Variants in RIMS2 observed in about 807,000 individuals in gnomAD.
RIMS2 encodes the protein regulating synaptic membrane exocytosis 2, also known as regulating synaptic membrane exocytosis protein 2.
Under a neutral mutation model 174.4 loss-of-function variants are expected in RIMS2, and 59 were observed. The ratio of observed to expected loss-of-function variants is 0.34; its 90% CI spans 0.27 to 0.42. The LOEUF (loss-of-function observed/expected upper bound fraction) is 0.42. Among genes scored for constraint, RIMS2 ranks in the 10% least tolerant of loss-of-function variants. The probability of loss-of-function intolerance (pLI) is 1.00; values close to 1 mark genes in which losing one functional copy is unlikely to be tolerated. For synonymous variants in RIMS2, 606 were observed against 572.5 expected (o/e 1.06, Z -0.84); for missense variants, 1,620 against 1,666.3 (o/e 0.97, Z 0.48).
chr8:103,500,989 G>A, exon 1 of RIMS2: 2 of 1,611,846 alleles, frequency 1.2e-6, no homozygotes, highest in Middle Eastern at 1.8e-4. Context: ...CCTCACGGAG[G>A]AGGAGAGGAA....
chr8:104,079,628 T>TTC (rs2097371213), intron 19 of RIMS2, among the ~76,000 whole-genome samples: 4 of 132,108 alleles, frequency 3.0e-5, no homozygotes, highest in African/African-American at 1.1e-4. Flanking sequence ...TATATATATA[T>TTC]ATATATATAT....
rs532886871 is a variant in RIMS2 at position 103,946,983 on chromosome 8, T to TG, written c.2701+4064dup. Among the ~76,000 whole-genome samples, 9 of 152,062 alleles carry TG rather than the reference T, an allele frequency of 5.9e-5. No homozygotes were observed. The East Asian group carries it at 9.6e-4, about 16-fold the overall frequency. On this transcript the variant is annotated intron_variant, in intron 14 of 23. Transcript: ENST00000504942. ...CAACAAAGGATCCAAAGCAAATCAA[T>TG]GGGGGGGAATAGTTTTTTGTTGTTG...
At chr8:103,535,662 A>G (rs1341864085) in intron 1 of RIMS2, among the ~76,000 whole-genome samples, 2 of 152,170 alleles carry the variant, frequency 1.3e-5, no homozygotes, top group Non-Finnish European at 2.9e-5. Flanking sequence ...GTGCATTTTG[A>G]TTAATGATAG....
chr8:103,676,222 T>A (rs2096808781), intron 1 of RIMS2, among the ~76,000 whole-genome samples: 1 of 68,644 alleles, frequency 1.5e-5, no homozygotes, highest in African/African-American at 7.7e-5. Context: ...GATGTAAACT[T>A]TTTTGCAAAA....
At chr8:104,064,289 T>A (rs2097062340) in intron 19 of RIMS2, among the ~76,000 whole-genome samples, 1 of 152,120 alleles carries the variant, frequency 6.6e-6, no homozygotes, top group East Asian at 1.9e-4. Context: ...ATAAGTTAAA[T>A]CAAGAGCAAC....
chr8:103,653,238 A>G (rs1056005459), intron 1 of RIMS2, among the ~76,000 whole-genome samples: 5 of 152,200 alleles, frequency 3.3e-5, no homozygotes, highest in Non-Finnish European at 5.9e-5. Context: ...GTTATGAAAC[A>G]TAATTTGGGA....
chr8:104,185,696 A>G (rs1262409557), intron 19 of RIMS2, among the ~76,000 whole-genome samples: 2 of 151,708 alleles, frequency 1.3e-5, no homozygotes, highest in East Asian at 3.9e-4. Flanking sequence ...ATGAGATATT[A>G]TATACACCAG....
intron 19 of RIMS2, among the ~76,000 whole-genome samples, chr8:104,145,541 T>C (rs186541600): frequency 6.6e-6 from 1 of 151,794 alleles, no homozygotes; most frequent in Non-Finnish European, 1.5e-5. Context: ...TTTGGTAGCT[T>C]GTGGCTGAGC....
intron 1 of RIMS2, among the ~76,000 whole-genome samples, chr8:103,680,893 CA>C (rs1348465572): frequency 6.6e-5 from 10 of 151,882 alleles, no homozygotes; most frequent in African/African-American, 2.4e-4. Flanking sequence ...GGTGTACTAA[CA>C]GGGTTAATCC....
At chr8:103,836,498 C>A (rs1427170750) in intron 3 of RIMS2, among the ~76,000 whole-genome samples, 22 of 152,146 alleles carry the variant, frequency 1.4e-4, no homozygotes, top group Non-Finnish European at 2.8e-4. Flanking sequence ...GAGTTGAACG[C>A]TGCAGTGAGC....
intron 1 of RIMS2, among the ~76,000 whole-genome samples, chr8:103,518,527 ATACTT>A (rs569309627): frequency 1.4e-3 from 212 of 152,070 alleles, no homozygotes; most frequent in African/African-American, 4.9e-3. Flanking sequence ...ATCTACATCT[ATACTT>A]TATTTGGAAA....
At position 104,004,974 on chromosome 8, in the gene RIMS2, C is replaced by T. The variant is rs538843398; in HGVS notation, c.3045-8468C>T. Among the ~76,000 whole-genome samples, 4 of 152,202 alleles carry T rather than the reference C, an allele frequency of 2.6e-5. No individual in the cohort carries two copies. The South Asian group carries it at 8.3e-4, about 32-fold the overall frequency. On this transcript the variant is annotated intron_variant, in intron 17 of 23. Coordinates refer to ENST00000504942, the Ensembl canonical transcript of RIMS2. ...ATCTGAGCGCTGTATGGGAGTGGTT[C>T]AGATGATCAGTCATAGAGTCCAGGG...
At chr8:104,101,042 T>TAA (rs2097881945) in intron 19 of RIMS2, among the ~76,000 whole-genome samples, 1 of 143,952 alleles carries the variant, frequency 6.9e-6, no homozygotes. Context: ...ATATATTATA[T>TAA]TATATATTAC....
intron 1 of RIMS2, among the ~76,000 whole-genome samples, chr8:103,523,908 G>C (rs1174598021): frequency 6.6e-6 from 1 of 151,942 alleles, no homozygotes; most frequent in Non-Finnish European, 1.5e-5. Context: ...ACAACCTATA[G>C]GTATGAGTTA....
intron 1 of RIMS2, among the ~76,000 whole-genome samples, chr8:103,619,283 G>C (rs749081309): frequency 2.0e-5 from 3 of 151,830 alleles, no homozygotes; most frequent in Non-Finnish European, 4.4e-5. Context: ...AAAAAACAAA[G>C]TTGTATTTTT....
intron 17 of RIMS2, among the ~76,000 whole-genome samples, chr8:103,991,760 A>C (rs117120737): frequency 0.05 from 7,654 of 152,158 alleles, 265 homozygotes; most frequent in Non-Finnish European, 0.071. Context: ...TTTTTATAGG[A>C]TTTGAAACCA....
At chr8:103,940,218 A>T (rs1241513607) in intron 13 of RIMS2, among the ~76,000 whole-genome samples, 1 of 152,192 alleles carries the variant, frequency 6.6e-6, no homozygotes, top group African/African-American at 2.4e-5. Flanking sequence ...ACAGTTCCAC[A>T]TGACTGGGGA....
intron 2 of RIMS2, among the ~76,000 whole-genome samples, chr8:103,727,290 C>T (rs2097538114): frequency 6.6e-6 from 1 of 152,066 alleles, no homozygotes; most frequent in African/African-American, 2.4e-5. Context: ...TAGCTAGACT[C>T]TTCAGAATAG....
intron 19 of RIMS2, among the ~76,000 whole-genome samples, chr8:104,134,650 C>T (rs1336298710): frequency 1.3e-5 from 2 of 152,150 alleles, no homozygotes; most frequent in Admixed American, 1.3e-4. Flanking sequence ...ATTGTTGATC[C>T]TCTTTGATTA....
Sources: allele counts gnomAD v4.1 joint callset (sites outside exome capture counted in the v4.1 genomes callset), GRCh38; gene constraint gnomAD v4.1.1; transcripts MANE v1.5; gene names NCBI Gene and HGNC (gene_info 2026-07-23, HGNC 2026-07-21).